PCDH15: variants seen among roughly 807,000 people sequenced by gnomAD.
PCDH15 encodes the protein protocadherin related 15, also known as protocadherin-15.
PCDH15 carries 129 observed loss-of-function variants against 178.5 expected under a neutral mutation model. The ratio of observed to expected loss-of-function variants is 0.72; its 90% CI spans 0.63 to 0.84. The LOEUF (loss-of-function observed/expected upper bound fraction) is 0.84. Ranked by LOEUF, PCDH15 falls within the 40% of genes least tolerant of loss-of-function variation. The pLI is 0.00. For synonymous variants in PCDH15, 800 were observed against 732.0 expected, an observed-to-expected ratio of 1.09 and a Z score of -1.50; for missense variants, 2,230 against 2,099.9, an observed-to-expected ratio of 1.06 and a Z score of -1.21.
At chr10:54,726,946 G>A (rs965264533) in intron 1 of PCDH15, among the ~76,000 whole-genome samples, 3 of 151,318 alleles carry the variant, frequency 2.0e-5, no homozygotes, top group Non-Finnish European at 3.0e-5. Flanking sequence ...TTGCATCTCT[G>A]AAAGAAAGAG....
intron 25 of PCDH15, among the ~76,000 whole-genome samples, chr10:53,929,626 T>C (rs1412975003): frequency 2.0e-5 from 3 of 152,186 alleles, no homozygotes; most frequent in African/African-American, 7.2e-5. Context: ...TAGCATTATT[T>C]GTCACAGACC....
chr10:53,810,582 C>T lies in PCDH15; in HGVS notation c.4645G>A (p.Ala1549Thr), dbSNP rs1349639790. 1 of 1,613,788 alleles carries T rather than the reference C, an allele frequency of 6.2e-7. No individual in the cohort carries two copies. Among genetic ancestry groups the T allele is most frequent in the South Asian group, 1.1e-5 (1 of 91,084 alleles). ...TCTTCCTCCTCATATTCTTCCTCAG[C>T]TTCACCAACCACCTCACCATATTCC... ...QEEYGEVVGEAEEEYEEEEWA... is the reference protein window; with the variant it reads ...QEEYGEVVGETEEEYEEEEWA... Residue 1549 changes from alanine to threonine, a missense_variant, in exon 37 of 38, where the codon GCT becomes ACT. Coordinates refer to ENST00000644397, the MANE Select transcript of PCDH15 (RefSeq NM_001384140.1).
chr10:55,323,007 G>A (rs1843943373), upstream of PCDH15, among the ~76,000 whole-genome samples: 2 of 152,046 alleles, frequency 1.3e-5, no homozygotes, highest in South Asian at 2.1e-4. Context: ...CAGACAAGTC[G>A]CCCTGTGTCC....
At position 55,082,540 on chromosome 10, in the gene PCDH15, G is replaced by A. The variant is rs751112648; in HGVS notation, c.-80+84036C>T. 6.6e-4 allele frequency among the ~76,000 whole-genome samples: 92 copies of A among 139,762 alleles called. No homozygotes were observed. In the Middle Eastern group the frequency reaches 0.019, roughly 29 times the overall value. 91.7% of individuals were successfully genotyped at this position (139,762 alleles called of 152,430 possible). ...AACCAAACCAAACCCAAAATTAGTA[G>A]AAGAAAAGAAAGATCAGAGCAGAAA... is the stretch of plus-strand genomic sequence containing the variant. On this transcript the variant is annotated intron_variant, in intron 2 of 5. Transcript: ENST00000458638.
At chr10:53,933,304 C>T (rs1435207870) in intron 25 of PCDH15, among the ~76,000 whole-genome samples, 1 of 151,804 alleles carries the variant, frequency 6.6e-6, no homozygotes, top group African/African-American at 2.4e-5. Context: ...AGGTATATCT[C>T]CTAATGCTAT....
intron 1 of PCDH15, among the ~76,000 whole-genome samples, chr10:54,722,629 G>C (rs1941827614): frequency 6.7e-6 from 1 of 149,888 alleles, no homozygotes; most frequent in Admixed American, 6.7e-5. Flanking sequence ...TGGCATAATT[G>C]TGTATCAGAA....
At chr10:55,065,622 C>G (rs370984419) in intron 2 of PCDH15, among the ~76,000 whole-genome samples, 9 of 151,926 alleles carry the variant, frequency 5.9e-5, no homozygotes, top group African/African-American at 1.9e-4. Context: ...GCCCTTCTGC[C>G]CAGCATCTAG....
intron 1 of PCDH15, among the ~76,000 whole-genome samples, chr10:55,285,756 T>G (rs976019740): frequency 2.6e-5 from 4 of 151,866 alleles, no homozygotes; most frequent in Admixed American, 2.0e-4. Flanking sequence ...GGTACCTCCC[T>G]GGATTTCATC....
chr10:54,382,198 T>C (rs1212924463), intron 3 of PCDH15, among the ~76,000 whole-genome samples: 2 of 152,150 alleles, frequency 1.3e-5, no homozygotes, highest in African/African-American at 4.8e-5. Flanking sequence ...GCCATTTACC[T>C]CTAGGGACGT....
intron 3 of PCDH15, among the ~76,000 whole-genome samples, chr10:54,811,636 A>AT (rs1479462953): frequency 2.0e-5 from 3 of 151,926 alleles, no homozygotes; most frequent in Admixed American, 6.6e-5. Flanking sequence ...ACGCCCCGCA[A>AT]TTTTTTTGTA....
intron 2 of PCDH15, among the ~76,000 whole-genome samples, chr10:54,971,924 G>A (rs1268648104): frequency 1.3e-5 from 2 of 152,092 alleles, no homozygotes; most frequent in Non-Finnish European, 2.9e-5. Flanking sequence ...TCTACATTTG[G>A]TATACCTGTA....
At chr10:54,610,532 T>C (rs2092927180) in intron 2 of PCDH15, among the ~76,000 whole-genome samples, 2 of 151,880 alleles carry the variant, frequency 1.3e-5, no homozygotes, top group South Asian at 2.1e-4. Context: ...CAAAAATCTA[T>C]AGAGTTAAAT....
chr10:54,452,096 C>T (rs1157935706), intron 3 of PCDH15, among the ~76,000 whole-genome samples: 1 of 151,876 alleles, frequency 6.6e-6, no homozygotes, highest in Non-Finnish European at 1.5e-5. Flanking sequence ...TTTTGCCACC[C>T]AGTTCTGAGG....
chr10:54,474,956 C>A (rs1410516007), intron 3 of PCDH15, among the ~76,000 whole-genome samples: 1 of 151,798 alleles, frequency 6.6e-6, no homozygotes, highest in Non-Finnish European at 1.5e-5. Context: ...ATACGTCCAA[C>A]CTCTTTTACA....
chr10:54,449,808 T>C (rs2076354967), intron 3 of PCDH15, among the ~76,000 whole-genome samples: 1 of 151,744 alleles, frequency 6.6e-6, no homozygotes, highest in Admixed American at 6.6e-5. Flanking sequence ...GACTTGAGCA[T>C]CTGGAGATTT....
intron 28 of PCDH15, among the ~76,000 whole-genome samples, chr10:53,856,069 T>C (rs2078722361): frequency 6.6e-6 from 1 of 151,260 alleles, no homozygotes; most frequent in Non-Finnish European, 1.5e-5. Flanking sequence ...AAGTGGAAAC[T>C]AAGCTATGAG....
chr10:54,496,900 G>A (rs2080171159), intron 3 of PCDH15, among the ~76,000 whole-genome samples: 2 of 152,062 alleles, frequency 1.3e-5, no homozygotes, highest in South Asian at 4.1e-4. Flanking sequence ...CTGTATTATT[G>A]TACATAGAGA....
intron 3 of PCDH15, among the ~76,000 whole-genome samples, chr10:54,808,664 A>G (rs531961313): frequency 6.6e-6 from 1 of 152,296 alleles, no homozygotes; most frequent in East Asian, 1.9e-4. Context: ...CTTCAAATCC[A>G]TGTTCTGCTG....
In PCDH15 at chr10:54,709,564, C is replaced by A. The variant is rs2095406577; in HGVS notation, c.-28-45274G>T. ...TGCCTGGCACAAGGAAACAAGGAAA[C>A]ACACAAGTCTTAGCAATTACAAATA... On this transcript the variant is annotated intron_variant, in intron 1 of 37. Coordinates refer to ENST00000644397, the MANE Select transcript of PCDH15 (RefSeq NM_001384140.1). Among the ~76,000 whole-genome samples, 5 of 143,334 alleles carry A rather than the reference C, an allele frequency of 3.5e-5. No individual in the cohort carries two copies. In the South Asian group the frequency reaches 1.1e-3, roughly 31 times the overall value. The allele number at this position is 143,334 out of a possible 152,430, so 94.0% of individuals were successfully genotyped here.
Sources: gnomAD v4.1 joint callset for allele counts (sites outside exome capture counted in the v4.1 genomes callset) on GRCh38, gnomAD v4.1.1 for gene constraint, MANE v1.5 for transcripts, NCBI Gene and HGNC (gene_info 2026-07-23, HGNC 2026-07-21) for gene names.